Variants in DCC observed in about 807,000 individuals in gnomAD.
The protein encoded by DCC is DCC netrin 1 receptor.
Under a neutral mutation model 172.5 loss-of-function variants are expected in DCC, and 58 were observed. That is an observed-to-expected ratio of 0.34 (90% CI 0.27 to 0.42). The LOEUF is 0.42. Among genes scored for constraint, DCC ranks in the 10% least tolerant of loss-of-function variants. The probability of loss-of-function intolerance (pLI) is 1.00; values close to 1 mark genes in which losing one functional copy is unlikely to be tolerated. For synonymous variants in DCC, 709 were observed against 644.5 expected (o/e 1.10, Z -1.52); for missense variants, 1,740 against 1,791.0 (o/e 0.97, Z 0.51).
intron 12 of DCC, among the ~76,000 whole-genome samples, chr18:53,260,629 C>T (rs2056584410): frequency 6.6e-6 from 1 of 152,124 alleles, no homozygotes; most frequent in Non-Finnish European, 1.5e-5. Context: ...GGGTGCCTCC[C>T]AGTTAGGCTA....
chr18:53,364,630 C>G (rs1017280001), intron 15 of DCC, among the ~76,000 whole-genome samples: 4 of 151,968 alleles, frequency 2.6e-5, no homozygotes, highest in African/African-American at 7.2e-5. Context: ...GATGGTGACT[C>G]GGGGGAAAAA....
At chr18:53,401,436 T>C (rs1178909430) in intron 18 of DCC, among the ~76,000 whole-genome samples, 3 of 152,068 alleles carry the variant, frequency 2.0e-5, no homozygotes, top group African/African-American at 4.8e-5. Context: ...GATCACGGTG[T>C]TGGAAAGAAA....
At chr18:52,823,467 T>C (rs976533251) in intron 2 of DCC, among the ~76,000 whole-genome samples, 4 of 152,144 alleles carry the variant, frequency 2.6e-5, no homozygotes, top group Admixed American at 1.3e-4. Context: ...TGGCCTAATT[T>C]CTTCTACTTT....
chr18:52,886,007 T>A (rs1035512146), intron 2 of DCC, among the ~76,000 whole-genome samples: 2 of 151,812 alleles, frequency 1.3e-5, no homozygotes, highest in African/African-American at 4.8e-5. Context: ...TTTTCTACTG[T>A]GGTTGAGCTG....
intron 5 of DCC, among the ~76,000 whole-genome samples, chr18:52,993,617 A>C (rs2041430184): frequency 6.6e-6 from 1 of 152,104 alleles, no homozygotes; most frequent in Non-Finnish European, 1.5e-5. Context: ...TGCATGGTTC[A>C]AGTTCAGACT....
chr18:53,473,571 G>T (rs918839049), intron 25 of DCC, among the ~76,000 whole-genome samples: 1 of 152,048 alleles, frequency 6.6e-6, no homozygotes, highest in Non-Finnish European at 1.5e-5. Flanking sequence ...GTATGAAAAT[G>T]TTTAATATTA....
intron 1 of DCC, among the ~76,000 whole-genome samples, chr18:52,430,965 C>A (rs189778277): frequency 4.8e-4 from 73 of 152,224 alleles, no homozygotes; most frequent in African/African-American, 1.6e-3. Context: ...TTATTTTTGG[C>A]TTCTCAGAAT....
intron 5 of DCC, among the ~76,000 whole-genome samples, chr18:53,048,290 A>G (rs1440299306): frequency 6.6e-6 from 1 of 151,630 alleles, no homozygotes; most frequent in Non-Finnish European, 1.5e-5. Context: ...CTCCACTCAG[A>G]AAAAGGCCCA....
At chr18:53,005,200 T>C (rs2041625917) in intron 5 of DCC, among the ~76,000 whole-genome samples, 1 of 152,196 alleles carries the variant, frequency 6.6e-6, no homozygotes, top group Non-Finnish European at 1.5e-5. Context: ...TATTCTGTTA[T>C]AGTAACACGA....
intron 1 of DCC, among the ~76,000 whole-genome samples, chr18:52,496,690 T>G (rs2030765722): frequency 6.6e-6 from 1 of 152,114 alleles, no homozygotes; most frequent in African/African-American, 2.4e-5. Context: ...CATATGAAAT[T>G]TCAGTGAACA....
At chr18:52,903,227 A>G (rs1304092789) in intron 2 of DCC, among the ~76,000 whole-genome samples, 1 of 152,104 alleles carries the variant, frequency 6.6e-6, no homozygotes, top group Admixed American at 6.5e-5. Context: ...TTTTTTTGAG[A>G]CAGGTTCTCA....
chr18:53,027,130 C>T (rs1208814810), intron 5 of DCC, among the ~76,000 whole-genome samples: 1 of 152,130 alleles, frequency 6.6e-6, no homozygotes, highest in Non-Finnish European at 1.5e-5. Context: ...CTCACCATAA[C>T]AGCCTGGAAA....
intron 1 of DCC, among the ~76,000 whole-genome samples, chr18:52,648,153 G>A (rs2035055084): frequency 6.6e-6 from 1 of 152,188 alleles, no homozygotes. Context: ...AGCTAGTGGT[G>A]TACTGGAACC....
At chr18:52,915,477 G>T (rs1011160193) in intron 3 of DCC, among the ~76,000 whole-genome samples, 2 of 152,074 alleles carry the variant, frequency 1.3e-5, no homozygotes, top group Admixed American at 1.3e-4. Flanking sequence ...TTTGACCATT[G>T]TAATGTTTTA....
chr18:52,954,449 T>C (rs1016647262), intron 5 of DCC, among the ~76,000 whole-genome samples: 3 of 152,164 alleles, frequency 2.0e-5, no homozygotes, highest in African/African-American at 7.2e-5. Context: ...CCAATAGTCA[T>C]TTGGGGAAAA....
chr18:53,208,320 T>A (rs1360580838), intron 11 of DCC, among the ~76,000 whole-genome samples: 1 of 151,882 alleles, frequency 6.6e-6, no homozygotes, highest in Non-Finnish European at 1.5e-5. Flanking sequence ...CATATGTATA[T>A]ACTCTTGAGT....
chr18:52,745,816 G>A (rs910397358), intron 1 of DCC, among the ~76,000 whole-genome samples: 3 of 152,130 alleles, frequency 2.0e-5, no homozygotes, highest in Non-Finnish European at 4.4e-5. Flanking sequence ...CCAGCCTCTT[G>A]TAACCATTGT....
At chr18:52,982,540 G>A (rs67165651) in intron 5 of DCC, among the ~76,000 whole-genome samples, 7,289 of 151,974 alleles carry the variant, frequency 0.048, 307 homozygotes, top group East Asian at 0.21. Flanking sequence ...ATTTGGGCCT[G>A]GATAATTCTT....
intron 1 of DCC, among the ~76,000 whole-genome samples, chr18:52,638,504 C>T (rs2034825314): frequency 6.6e-6 from 1 of 152,038 alleles, no homozygotes; most frequent in Admixed American, 6.6e-5. Flanking sequence ...GCATTTTGTG[C>T]AAATGAACAC....
Sources: allele counts gnomAD v4.1 joint callset (sites outside exome capture counted in the v4.1 genomes callset), GRCh38; gene constraint gnomAD v4.1.1; transcripts MANE v1.5; gene names NCBI Gene and HGNC (gene_info 2026-07-23, HGNC 2026-07-21).